Variants in SLC16A12 observed in about 807,000 individuals in gnomAD.
SLC16A12 encodes the protein solute carrier family 16 member 12.
SLC16A12 carries 17 observed loss-of-function variants against 42.4 expected under a neutral mutation model. The ratio of observed to expected loss-of-function variants is 0.40; its 90% CI spans 0.27 to 0.60. SLC16A12 has a LOEUF of 0.60. SLC16A12 is among the 20% of genes least tolerant of loss of function. The pLI, the probability that SLC16A12 is intolerant of heterozygous loss-of-function variation, is 0.42. For synonymous variants in SLC16A12, 224 were observed against 229.4 expected (o/e 0.98, Z 0.21); for missense variants, 544 against 623.0 (o/e 0.87, Z 1.35).
intron 3 of SLC16A12, among the ~76,000 whole-genome samples, chr10:89,449,146 T>C (rs1161899266): frequency 3.3e-5 from 5 of 152,196 alleles, no homozygotes; most frequent in African/African-American, 1.2e-4. Context: ...TGCTCGTGGA[T>C]AGAAAGAATC....
In SLC16A12 at chr10:89,474,522, T is replaced by C. The variant is rs531763669; in HGVS notation, c.-46-11898A>G. 7.3e-4 allele frequency among the ~76,000 whole-genome samples: 111 copies of C among 152,330 alleles called. 1 individual carries two copies. Among genetic ancestry groups the C allele is most frequent in the Non-Finnish European group, 1.2e-3 (82 of 68,026 alleles). ...CAGCTGAAAGAAACATGGAAAGCAC[T>C]TTATCTTCATCAGAGAGGTCTAATC... On this transcript the variant is annotated intron_variant, in intron 2 of 7. Transcript: ENST00000371790.
Position 89,518,834 on chromosome 10 carries a change from C to T in SLC16A12, c.-47+15667G>A, listed in dbSNP as rs145200093. On this transcript the variant is annotated intron_variant, in intron 2 of 7. Transcript: ENST00000371790. Reference sequence around the variant, plus strand: ...TCACTGCTGGTGGACCCTTATGTGGCAGGGGTGGTCCCACTTTTTGCTTTT... The same window carrying T: ...TCACTGCTGGTGGACCCTTATGTGGTAGGGGTGGTCCCACTTTTTGCTTTT... Among the ~76,000 whole-genome samples the T allele has an allele frequency of 2.3e-4, 35 of 152,248 alleles. No individual in the cohort carries two copies. The East Asian group carries it at 6.7e-3, about 29-fold the overall frequency.
intron 2 of SLC16A12, among the ~76,000 whole-genome samples, chr10:89,484,412 T>C (rs534520130): frequency 2.6e-5 from 4 of 152,322 alleles, no homozygotes; most frequent in Non-Finnish European, 5.9e-5. Flanking sequence ...CAAAAAATCT[T>C]GTCCTAAGGA....
chr10:89,506,020 C>T (rs1302785292), intron 2 of SLC16A12, among the ~76,000 whole-genome samples: 1 of 152,214 alleles, frequency 6.6e-6, no homozygotes, highest in African/African-American at 2.4e-5. Context: ...AACTGTCTCT[C>T]TAGATTCCAC....
At chr10:89,507,330 T>C (rs188532499) in intron 2 of SLC16A12, among the ~76,000 whole-genome samples, 4 of 152,068 alleles carry the variant, frequency 2.6e-5, no homozygotes, top group Admixed American at 2.6e-4. Flanking sequence ...GAGAGAAAGG[T>C]CGGATTACCC....
chr10:89,456,345 T>C (rs1388691483), intron 3 of SLC16A12: 3 of 152,186 alleles, frequency 2.0e-5, no homozygotes, highest in South Asian at 2.1e-4. Flanking sequence ...TCTAGACATA[T>C]ATTGCACCTA....
At chr10:89,465,581 A>G (rs1842380681) in intron 2 of SLC16A12, among the ~76,000 whole-genome samples, 1 of 152,214 alleles carries the variant, frequency 6.6e-6, no homozygotes, top group African/African-American at 2.4e-5. Context: ...ACAGTCATCT[A>G]CTTTCTTCCC....
At chr10:89,522,807 G>T (rs1843378544) in intron 2 of SLC16A12, among the ~76,000 whole-genome samples, 1 of 152,150 alleles carries the variant, frequency 6.6e-6, no homozygotes, top group African/African-American at 2.4e-5. Flanking sequence ...ATCTTCAAAA[G>T]GTTGTGGAAA....
intron 3 of SLC16A12, chr10:89,456,344 A>G (rs1842189389): frequency 6.6e-6 from 1 of 152,212 alleles, no homozygotes; most frequent in Non-Finnish European, 1.5e-5. Context: ...TTCTAGACAT[A>G]TATTGCACCT....
chr10:89,494,975 A>G (rs542383049), intron 2 of SLC16A12, among the ~76,000 whole-genome samples: 1 of 152,306 alleles, frequency 6.6e-6, no homozygotes, highest in South Asian at 2.1e-4. Flanking sequence ...GCACCACACA[A>G]AAACAAGAGG....
At chr10:89,459,868 G>A (rs1842267366) in intron 3 of SLC16A12, among the ~76,000 whole-genome samples, 1 of 152,216 alleles carries the variant, frequency 6.6e-6, no homozygotes, top group Non-Finnish European at 1.5e-5. Context: ...TTGAACCCGG[G>A]AGGCGGAGGT....
intron 2 of SLC16A12, among the ~76,000 whole-genome samples, chr10:89,503,713 G>A (rs186656835): frequency 1.3e-5 from 2 of 152,344 alleles, no homozygotes; most frequent in Non-Finnish European, 2.9e-5. Context: ...CAATAAGACT[G>A]AGAAGAGACT....
At chr10:89,444,407 G>T (rs1415497425) in intron 3 of SLC16A12, among the ~76,000 whole-genome samples, 1 of 152,008 alleles carries the variant, frequency 6.6e-6, no homozygotes, top group Non-Finnish European at 1.5e-5. Flanking sequence ...CTGGAGAATA[G>T]CCAAATATCA....
intron 2 of SLC16A12, among the ~76,000 whole-genome samples, chr10:89,480,980 T>A (rs1842651759): frequency 6.6e-6 from 1 of 152,182 alleles, no homozygotes; most frequent in Admixed American, 6.5e-5. Context: ...GTGTCTACGT[T>A]CTTTCCTTTT....
chr10:89,491,630 G>A (rs1589702661), intron 2 of SLC16A12, among the ~76,000 whole-genome samples: 1 of 152,118 alleles, frequency 6.6e-6, no homozygotes, highest in Admixed American at 6.5e-5. Context: ...GGCCCTGCCT[G>A]GGGGAGGAGG....
intron 2 of SLC16A12, among the ~76,000 whole-genome samples, chr10:89,541,420 C>A (rs1441543627): frequency 6.6e-6 from 1 of 152,054 alleles, no homozygotes; most frequent in South Asian, 2.1e-4. Flanking sequence ...CATACTGAGA[C>A]CCCGTCTCTA....
intron 2 of SLC16A12, among the ~76,000 whole-genome samples, chr10:89,506,851 A>C (rs946636666): frequency 1.3e-5 from 2 of 152,146 alleles, no homozygotes; most frequent in African/African-American, 4.8e-5. Context: ...CGAATTGCTA[A>C]CTAGAATAAC....
intron 2 of SLC16A12, among the ~76,000 whole-genome samples, chr10:89,530,277 A>G (rs1443229236): frequency 1.3e-5 from 2 of 152,154 alleles, no homozygotes; most frequent in African/African-American, 4.8e-5. Flanking sequence ...TGCCACACCT[A>G]AGTACTCATC....
chr10:89,544,719 C>T (rs1052169446), intron 2 of SLC16A12, among the ~76,000 whole-genome samples: 5 of 152,016 alleles, frequency 3.3e-5, no homozygotes, highest in Admixed American at 2.0e-4. Context: ...TACCTGTTTC[C>T]AATTGAGAAA....
Sources: allele counts gnomAD v4.1 joint callset (sites outside exome capture counted in the v4.1 genomes callset), GRCh38; gene constraint gnomAD v4.1.1; transcripts MANE v1.5; gene names NCBI Gene and HGNC (gene_info 2026-07-23, HGNC 2026-07-21).